Variants in TRIM44 observed in about 807,000 individuals in gnomAD.
TRIM44 encodes tripartite motif containing 44.
A neutral mutation model predicts 37.4 loss-of-function variants in TRIM44; 13 were observed. That is an observed-to-expected ratio of 0.35 (90% confidence interval 0.23 to 0.55). TRIM44 has a LOEUF of 0.55. TRIM44 is among the 20% of genes least tolerant of loss of function. The pLI, the probability that TRIM44 is intolerant of heterozygous loss-of-function variation, is 0.89. For synonymous variants in TRIM44, 175 were observed against 157.2 expected, an observed-to-expected ratio of 1.11 and a Z score of -0.85; for missense variants, 426 against 437.2, an observed-to-expected ratio of 0.97 and a Z score of 0.23.
At chr11:35,804,041 C>CTAGG (rs984451111) in intron 4 of TRIM44, among the ~76,000 whole-genome samples, 23 of 151,128 alleles carry the variant, frequency 1.5e-4, no homozygotes, top group African/African-American at 5.6e-4. Flanking sequence ...ATCTCACCTA[C>CTAGG]TAGGCTTTAA....
At chr11:35,686,282 C>T (rs1012228733) in intron 2 of TRIM44, among the ~76,000 whole-genome samples, 1 of 152,056 alleles carries the variant, frequency 6.6e-6, no homozygotes, top group African/African-American at 2.4e-5. Flanking sequence ...TTGGGGCCAG[C>T]TGGCTTTGCC....
At chr11:35,771,763 G>A (rs1167755780) in intron 4 of TRIM44, among the ~76,000 whole-genome samples, 2 of 151,868 alleles carry the variant, frequency 1.3e-5, no homozygotes, top group Non-Finnish European at 2.9e-5. Flanking sequence ...GTTTTAAAAG[G>A]CAAACAGAAC....
chr11:35,784,726 T>C (rs1179055710), intron 4 of TRIM44, among the ~76,000 whole-genome samples: 1 of 152,238 alleles, frequency 6.6e-6, no homozygotes, highest in African/African-American at 2.4e-5. Flanking sequence ...ATTCTAAAAC[T>C]TGGCTTGGGG....
rs1244573833 is a variant in TRIM44 at position 35,663,482 on chromosome 11, A to C, written c.371A>C (p.Glu124Ala). ...GAGAGTGAGGATGAGAGCGATGAGGAGAGTGAAGAAGACAGCGAGGAAGAA... is the reference window on the plus strand; with the variant it reads ...GAGAGTGAGGATGAGAGCGATGAGGCGAGTGAAGAAGACAGCGAGGAAGAA... The part of the protein sequence containing the change: ...EEESEDESDE[E>A]SEEDSEEEME... Residue 124 changes from glutamate to alanine, a missense_variant, in exon 1 of 5, where the codon GAG becomes GCG. Around this residue, in one of 2 missense-constraint regions of TRIM44, gnomAD observed 331 missense variants for 303.0 expected, o/e 1.09. Transcript: ENST00000299413. 3 of 1,570,832 alleles carry C rather than the reference A, an allele frequency of 1.9e-6. No individual in the cohort carries two copies. The highest frequency in any genetic ancestry group is 2.6e-6 in the Non-Finnish European group (3 of 1,157,372).
Position 35,726,041 on chromosome 11 carries a change from A to G in TRIM44, c.865A>G (p.Thr289Ala), listed in dbSNP as rs1852170571. The G allele has an allele frequency of 1.2e-6, 2 of 1,614,192 alleles. No individual in the cohort carries two copies. The highest frequency in any genetic ancestry group is 1.7e-6 in the Non-Finnish European group (2 of 1,180,030). Residue 289 changes from threonine (T) to alanine (A), a missense_variant, in exon 3 of 5, where the codon ACA becomes GCA. Thr to Ala is a moderately conservative substitution (Grantham distance 58). Coordinates refer to ENST00000299413, the MANE Select transcript of TRIM44 (RefSeq NM_017583.6). ...AGTGGACATCCAAGAGGCAATGGCC[A>G]CAGCTCATGTGACTGAGATACTGGC... ...HLVDIQEAMATAHVTEILADI... is the reference protein window; with the variant it reads ...HLVDIQEAMAAAHVTEILADI...
At chr11:35,701,856 G>A (rs924874141) in intron 2 of TRIM44, among the ~76,000 whole-genome samples, 1 of 152,180 alleles carries the variant, frequency 6.6e-6, no homozygotes, top group African/African-American at 2.4e-5. Flanking sequence ...TTTGCACAGA[G>A]AGAGAGAGGC....
chr11:35,743,034 C>G (rs1852433718), intron 4 of TRIM44, among the ~76,000 whole-genome samples: 1 of 151,696 alleles, frequency 6.6e-6, no homozygotes, highest in Admixed American at 6.6e-5. Context: ...GAGTAGGTTC[C>G]AACTAACTCA....
chr11:35,789,696 C>G (rs144377316), intron 4 of TRIM44, among the ~76,000 whole-genome samples: 1 of 152,132 alleles, frequency 6.6e-6, no homozygotes, highest in Admixed American at 6.5e-5. Flanking sequence ...TCAGTTAAGC[C>G]GTCTTAGAGG....
rs184958088 is a variant in TRIM44, at chr11:35,776,547, T to A, written c.1008-29811T>A. On this transcript the variant is annotated intron_variant, in intron 4 of 4. Coordinates refer to ENST00000299413, the MANE Select transcript of TRIM44 (RefSeq NM_017583.6). ...GCTTCTTTACTTCTTTTAATTGTGA[T>A]GTTAGGGTGTCAATTTTAGATCTTT... Among the ~76,000 whole-genome samples, 75 of 152,352 alleles carry A rather than the reference T, an allele frequency of 4.9e-4. 1 individual carries two copies. The highest frequency in any genetic ancestry group is 1.4e-3 in the Admixed American group (22 of 15,306).
In TRIM44 at chr11:35,755,791, G is replaced by A. The variant is rs1457148122; in HGVS notation, c.1007+20346G>A. On this transcript the variant is annotated intron_variant, in intron 4 of 4. Transcript: ENST00000299413. The stretch of plus-strand genomic sequence containing the variant: ...TTTCCCCATTGCTTGTTTTTCTCAG[G>A]TTTGTCAAAGATCAGATAGTTGTAG... 9.3e-3 allele frequency among the ~76,000 whole-genome samples: 1,413 copies of A among 151,136 alleles called. 28 individuals carry two copies. The highest frequency in any genetic ancestry group is 0.032 in the African/African-American group (1,333 of 41,160).
intron 2 of TRIM44, among the ~76,000 whole-genome samples, chr11:35,720,707 T>TCC (rs1256372909): frequency 6.6e-6 from 1 of 151,704 alleles, no homozygotes; most frequent in African/African-American, 2.4e-5. Context: ...TGGAGGAAGC[T>TCC]CCCCCCCACC....
chr11:35,737,298 G>T (rs2135521837), intron 4 of TRIM44, among the ~76,000 whole-genome samples: 1 of 152,264 alleles, frequency 6.6e-6, no homozygotes, highest in South Asian at 2.1e-4. Flanking sequence ...AGCTATTAAA[G>T]ATTTTTAAAC....
intron 4 of TRIM44, among the ~76,000 whole-genome samples, chr11:35,753,507 T>C (rs1224189350): frequency 6.6e-6 from 1 of 152,178 alleles, no homozygotes; most frequent in Non-Finnish European, 1.5e-5. Context: ...AAATAATGCT[T>C]ATGGATCATA....
intron 4 of TRIM44, among the ~76,000 whole-genome samples, chr11:35,753,212 A>G (rs1312900335): frequency 1.3e-5 from 2 of 151,600 alleles, no homozygotes; most frequent in Non-Finnish European, 2.9e-5. Flanking sequence ...TTGGGGGGGG[A>G]GTTAAATGAG....
In TRIM44 at chr11:35,812,316, A is replaced by G. The variant is rs938191130; in HGVS notation, c.*5931A>G. 5.3e-5 allele frequency: 8 copies of G among 152,206 alleles called. No individual in the cohort carries two copies. The highest frequency in any genetic ancestry group is 1.0e-4 in the Non-Finnish European group (7 of 68,026). 9.4% of individuals were successfully genotyped at this position (152,206 alleles called of 1,614,324 possible). ...GAAAGTCGTAATAAGAGAAGATGTC[A>G]CAGAAATAGAAACAAAAGCAAAAGA... On this transcript the variant is annotated 3_prime_UTR_variant, in exon 5 of 5. Transcript: ENST00000299413.
At chr11:35,791,662 T>A (rs1450787323) in intron 4 of TRIM44, among the ~76,000 whole-genome samples, 2 of 152,172 alleles carry the variant, frequency 1.3e-5, no homozygotes, top group African/African-American at 2.4e-5. Flanking sequence ...GTTCAAGCTG[T>A]TCCCTCCACC....
chr11:35,699,692 A>G (rs564821082), intron 2 of TRIM44, among the ~76,000 whole-genome samples: 1 of 151,788 alleles, frequency 6.6e-6, no homozygotes, highest in East Asian at 1.9e-4. Context: ...ATGATTGTAT[A>G]TCTAGAAAAT....
intron 2 of TRIM44, among the ~76,000 whole-genome samples, chr11:35,723,011 C>T (rs1477563153): frequency 6.6e-6 from 1 of 151,994 alleles, no homozygotes; most frequent in Non-Finnish European, 1.5e-5. Flanking sequence ...CTCTTTCTCT[C>T]TCTACCTCCC....
chr11:35,769,987 A>G (rs568980830), intron 4 of TRIM44, among the ~76,000 whole-genome samples: 2 of 152,242 alleles, frequency 1.3e-5, no homozygotes, highest in South Asian at 2.1e-4. Flanking sequence ...ATGCTGAGGT[A>G]TGGGGTACAA....
Sources: gnomAD v4.1 joint callset for allele counts (sites outside exome capture counted in the v4.1 genomes callset) on GRCh38, gnomAD v4.1.1 for gene constraint, gnomAD v4.1.1 regional missense constraint, MANE v1.5 for transcripts, NCBI Gene and HGNC (gene_info 2026-07-23, HGNC 2026-07-21) for gene names.